The following MYBPC1 variants were observed in gnomAD, a reference collection of about 807,000 sequenced individuals.
MYBPC1 encodes myosin binding protein C1, also known as myosin-binding protein C, slow-type.
In MYBPC1, 52 loss-of-function variants were observed where a neutral mutation model predicts 147.1. The observed-to-expected ratio is 0.35, with a 90% CI of 0.28 to 0.45. MYBPC1 has a LOEUF of 0.45. MYBPC1 is among the 20% of genes least tolerant of loss of function. The pLI is 1.00. For missense variants in MYBPC1, 1,228 were observed against 1,440.3 expected, an observed-to-expected ratio of 0.85 and a Z score of 2.39; for synonymous variants, 477 against 475.9, an observed-to-expected ratio of 1.00 and a Z score of -0.03.
intron 26 of MYBPC1, among the ~76,000 whole-genome samples, chr12:101,676,690 A>G (rs1005189257): frequency 6.6e-6 from 1 of 152,136 alleles, no homozygotes; most frequent in East Asian, 1.9e-4. Flanking sequence ...GGTCAAGACT[A>G]TAGTAAGCCA....
chr12:101,666,230 G>C (rs1897384871), intron 22 of MYBPC1: 1 of 170,574 alleles, frequency 5.9e-6, no homozygotes, highest in East Asian at 1.4e-4. Flanking sequence ...GGTAAAACAG[G>C]GCTGGCCTTA....
chr12:101,673,667 A>G (rs773153923), intron 25 of MYBPC1, 45 bp downstream of exon 25: 1 of 1,601,432 alleles, frequency 6.2e-7, no homozygotes. Flanking sequence ...AAAGCAGTAC[A>G]GGGATGAATT....
chr12:101,649,525 T>G, intron 15 of MYBPC1, 99 bp downstream of exon 15: 2 of 1,380,426 alleles, frequency 1.4e-6, no homozygotes, highest in Non-Finnish European at 2.1e-6. Flanking sequence ...CTATTTGCGA[T>G]GATTTTTAAG....
At chr12:101,655,089 C>T (rs947153533) in intron 18 of MYBPC1, among the ~76,000 whole-genome samples, 1 of 150,838 alleles carries the variant, frequency 6.6e-6, no homozygotes, top group African/African-American at 2.4e-5. Flanking sequence ...AAGTCAGTTA[C>T]AGCCAATTCA....
intron 25 of MYBPC1, among the ~76,000 whole-genome samples, chr12:101,674,305 G>A (rs1899368197): frequency 6.6e-6 from 1 of 152,026 alleles, no homozygotes; most frequent in South Asian, 2.1e-4. Context: ...AGTTTAACAT[G>A]TTTCTTACTA....
chr12:101,610,504 A>G (rs1293638290), intron 1 of MYBPC1, among the ~76,000 whole-genome samples: 4 of 141,714 alleles, frequency 2.8e-5, no homozygotes, highest in East Asian at 2.0e-4. Context: ...GGAGGAAGAC[A>G]TAAGTGTCTT....
chr12:101,685,630 T>C lies in MYBPC1; in HGVS notation c.*68T>C. The C allele has an allele frequency of 2.0e-6, 3 of 1,535,060 alleles. No homozygotes were observed. The highest frequency in any genetic ancestry group is 4.9e-5 in the East Asian group (2 of 40,890). ...CTCTTGCAAGGCGTACCTCCAAACA[T>C]AATTGATTCGTATCTGCGAGACTTA... On this transcript the variant is annotated 3_prime_UTR_variant, in exon 32 of 32. Transcript: ENST00000361466.
intron 27 of MYBPC1, among the ~76,000 whole-genome samples, chr12:101,677,804 A>G (rs1900332535): frequency 6.6e-6 from 1 of 152,222 alleles, no homozygotes; most frequent in African/African-American, 2.4e-5. Context: ...CACTCTTCTT[A>G]AAACCTTCCT....
chr12:101,637,691 A>G (rs1891275776), intron 10 of MYBPC1, among the ~76,000 whole-genome samples: 1 of 152,208 alleles, frequency 6.6e-6, no homozygotes, highest in Non-Finnish European at 1.5e-5. Context: ...CTACAAGTAC[A>G]AATATGCTTC....
intron 5 of MYBPC1, 117 bp from the exon 6 acceptor site, chr12:101,629,317 T>C (rs1889310056): frequency 1.2e-5 from 9 of 740,210 alleles, no homozygotes; most frequent in Non-Finnish European, 2.2e-5. Context: ...GTTGTATTTA[T>C]CTAGGTTTAT....
chr12:101,629,649 G>C, intron 6 of MYBPC1, 105 bp downstream of exon 6: 1 of 797,598 alleles, frequency 1.3e-6, no homozygotes, highest in East Asian at 2.7e-5. Flanking sequence ...CAGACAGGCA[G>C]ATCATTTGAG....
At chr12:101,693,072 G>A in the MYBPC1 span, among the ~76,000 whole-genome samples, 29 of 150,660 alleles carry the variant, frequency 1.9e-4, no homozygotes, top group African/African-American at 5.6e-4. Context: ...TCAGCCTCCC[G>A]AGTAGCTGGG....
chr12:101,595,120 T>G, intron 1 of MYBPC1, 25 bp downstream of exon 1: 5 of 1,595,004 alleles, frequency 3.1e-6, no homozygotes, highest in Non-Finnish European at 4.3e-6. Flanking sequence ...GAAATCTTTT[T>G]GTTGTACTCC....
chr12:101,687,216 C>T (rs1226308605), downstream of MYBPC1, among the ~76,000 whole-genome samples: 3 of 152,020 alleles, frequency 2.0e-5, no homozygotes, highest in Non-Finnish European at 4.4e-5. Context: ...AATGCTATCC[C>T]TCCCCGCTCC....
chr12:101,670,375 T>C lies in MYBPC1; in HGVS notation c.2579T>C (p.Val860Ala), dbSNP rs769333525. Residue 860 changes from valine (V) to alanine (A), a missense_variant, in exon 24 of 32, where the codon GTT (valine) becomes GCT (alanine). Around this residue, in one of 2 missense-constraint regions of MYBPC1, gnomAD observed 1,077 missense variants for 1,314.2 expected, o/e 0.82. Transcript: ENST00000361466. ...RHLKQTYIRR[V>A]GEAVNLVIPF... ...CTGAAGCAAACCTATATCCGCAGAG[T>C]TGGAGAAGCTGTCAATCTGGTTATA... The C allele has an allele frequency of 4.2e-5, 68 of 1,613,938 alleles. No individual in the cohort carries two copies. The East Asian group carries it at 1.4e-3, about 32-fold the overall frequency.
chr12:101,661,021 A>G, intron 19 of MYBPC1, 137 bp from the exon 20 acceptor site: 1 of 619,528 alleles, frequency 1.6e-6, no homozygotes, highest in Non-Finnish European at 2.9e-6. Context: ...TATCATAAGC[A>G]TAATTCAGTA....
At chr12:101,675,158 G>A (rs1315917947) in intron 25 of MYBPC1, 134 bp from the exon 26 acceptor site, 1 of 1,217,646 alleles carries the variant, frequency 8.2e-7, no homozygotes, top group Non-Finnish European at 1.2e-6. Flanking sequence ...GGTCTCAGAA[G>A]CCCCCATGGT....
At chr12:101,602,699 A>G (rs1314237462) in intron 1 of MYBPC1, among the ~76,000 whole-genome samples, 1 of 152,190 alleles carries the variant, frequency 6.6e-6, no homozygotes, top group African/African-American at 2.4e-5. Flanking sequence ...TCACTAGTGT[A>G]ATATTTATAA....
At chr12:101,651,475 A>G (rs762631645) in intron 16 of MYBPC1, 82 bp downstream of exon 16, 57 of 1,558,574 alleles carry the variant, frequency 3.7e-5, no homozygotes, top group Non-Finnish European at 4.9e-5. Context: ...TTTGGTGAGG[A>G]TATTTGAAGG....
Sources: allele counts gnomAD v4.1 joint callset (sites outside exome capture counted in the v4.1 genomes callset), GRCh38; gene constraint gnomAD v4.1.1; regional missense constraint gnomAD v4.1.1; transcripts MANE v1.5; gene names NCBI Gene and HGNC (gene_info 2026-07-23, HGNC 2026-07-21).